HIBADH: variants seen among roughly 807,000 people sequenced by gnomAD.
HIBADH encodes the protein 3-hydroxyisobutyrate dehydrogenase, mitochondrial.
Under a neutral mutation model 36.1 loss-of-function variants are expected in HIBADH, and 25 were observed. That is an observed-to-expected ratio of 0.69 (90% CI 0.50 to 0.97). HIBADH has a LOEUF of 0.97. Among genes scored for constraint, HIBADH ranks in the 50% least tolerant of loss-of-function variants. The pLI, the probability that HIBADH is intolerant of heterozygous loss-of-function variation, is 0.00. For synonymous variants in HIBADH, 160 were observed against 149.5 expected (o/e 1.07, Z -0.51); for missense variants, 421 against 418.0 (o/e 1.01, Z -0.06).
chr7:27,558,562 A>C (rs894196492), intron 4 of HIBADH, among the ~76,000 whole-genome samples: 1 of 152,066 alleles, frequency 6.6e-6, no homozygotes, highest in Non-Finnish European at 1.5e-5. Flanking sequence ...CCTAAGCTCA[A>C]GCAATCCACC....
chr7:27,659,905 T>TA (rs1170950561), intron 1 of HIBADH, among the ~76,000 whole-genome samples: 20 of 152,042 alleles, frequency 1.3e-4, no homozygotes, highest in Admixed American at 1.2e-3. Flanking sequence ...CATTTTTTTT[T>TA]AAATTAGCTA....
chr7:27,626,917 A>C (rs1390067741), intron 4 of HIBADH, among the ~76,000 whole-genome samples: 2 of 152,206 alleles, frequency 1.3e-5, no homozygotes, highest in African/African-American at 4.8e-5. Flanking sequence ...TCCATGTTTC[A>C]AGACTGATGA....
chr7:27,639,200 A>G (rs527871380), intron 2 of HIBADH, among the ~76,000 whole-genome samples: 4 of 152,230 alleles, frequency 2.6e-5, no homozygotes, highest in Non-Finnish European at 5.9e-5. Flanking sequence ...AATGCCCATC[A>G]ATGGTAGACT....
intron 4 of HIBADH, among the ~76,000 whole-genome samples, chr7:27,575,651 G>A (rs1321315791): frequency 6.6e-6 from 1 of 152,180 alleles, no homozygotes; most frequent in Non-Finnish European, 1.5e-5. Context: ...GAGGAAGTCC[G>A]AGCAATGGTG....
intron 7 of HIBADH, among the ~76,000 whole-genome samples, chr7:27,528,656 A>C (rs1228380562): frequency 1.3e-5 from 2 of 152,240 alleles, no homozygotes. Context: ...TGATTAGTTC[A>C]TGAGGTTTAA....
chr7:27,582,997 T>C (rs1291428189), intron 4 of HIBADH, among the ~76,000 whole-genome samples: 1 of 152,108 alleles, frequency 6.6e-6, no homozygotes, highest in Non-Finnish European at 1.5e-5. Flanking sequence ...TTTTACAAAA[T>C]ACCTGGCCTA....
chr7:27,662,783 T>G lies in HIBADH; in HGVS notation c.6A>C (p.Ala2=). Residue 2 remains alanine (A), a synonymous_variant, in exon 1 of 8, where the codon GCA becomes GCC. Transcript: ENST00000265395. ...CAGCTCCGAGGAGCCGTAAGGAGGC[T>G]GCCATGCTGCGCCCGCCCCTCTCCC... M[A]ASLRLLGAAS... 2 of 1,466,302 alleles carry G rather than the reference T, an allele frequency of 1.4e-6. No homozygotes were observed. Among genetic ancestry groups the G allele is most frequent in the Non-Finnish European group, 9.0e-7 (1 of 1,107,742 alleles). The allele number at this position is 1,466,302 out of a possible 1,614,324, so 90.8% of individuals were successfully genotyped here. A position where few individuals can be genotyped will look rare whatever the true frequency, so the allele number is the denominator to read the frequency against.
intron 4 of HIBADH, among the ~76,000 whole-genome samples, chr7:27,587,443 A>C (rs1319820540): frequency 6.7e-6 from 1 of 149,892 alleles, no homozygotes; most frequent in Non-Finnish European, 1.5e-5. Context: ...TATATTGGAC[A>C]AAAAAAAATG....
At chr7:27,555,476 A>T (rs958373720) in intron 4 of HIBADH, among the ~76,000 whole-genome samples, 1 of 152,028 alleles carries the variant, frequency 6.6e-6, no homozygotes, top group Non-Finnish European at 1.5e-5. Flanking sequence ...TTCCAAGTCT[A>T]GAGTCAAAAT....
At chr7:27,572,181 G>A (rs755610500) in intron 4 of HIBADH, among the ~76,000 whole-genome samples, 2 of 152,184 alleles carry the variant, frequency 1.3e-5, no homozygotes, top group Non-Finnish European at 2.9e-5. Flanking sequence ...TTCCAGGTCA[G>A]CCAGAGCTTC....
intron 4 of HIBADH, among the ~76,000 whole-genome samples, chr7:27,601,912 T>C (rs1785136503): frequency 6.6e-6 from 1 of 152,072 alleles, no homozygotes; most frequent in South Asian, 2.1e-4. Flanking sequence ...GTGGGTATTG[T>C]GTGGGAGTGG....
intron 1 of HIBADH, among the ~76,000 whole-genome samples, chr7:27,651,634 AAC>A (rs1384227556): frequency 6.6e-6 from 1 of 152,220 alleles, no homozygotes; most frequent in Non-Finnish European, 1.5e-5. Context: ...CAGTTAATTT[AAC>A]AGGCAATTCA....
At chr7:27,602,839 C>A (rs970997845) in intron 4 of HIBADH, among the ~76,000 whole-genome samples, 1 of 152,046 alleles carries the variant, frequency 6.6e-6, no homozygotes, top group African/African-American at 2.4e-5. Flanking sequence ...CTATGTTTCG[C>A]ATGCCAAAAA....
intron 4 of HIBADH, among the ~76,000 whole-genome samples, chr7:27,596,595 G>C (rs1345937390): frequency 6.6e-6 from 1 of 152,186 alleles, no homozygotes; most frequent in Non-Finnish European, 1.5e-5. Context: ...AGAATATTCA[G>C]AGTAGCCTCT....
chr7:27,611,095 T>C (rs1157364654), intron 4 of HIBADH, among the ~76,000 whole-genome samples: 1 of 152,152 alleles, frequency 6.6e-6, no homozygotes, highest in Non-Finnish European at 1.5e-5. Flanking sequence ...AGTATAAAAT[T>C]TGGTTTTCTG....
At chr7:27,612,639 A>C (rs1355632049) in intron 4 of HIBADH, among the ~76,000 whole-genome samples, 1 of 151,400 alleles carries the variant, frequency 6.6e-6, no homozygotes. Flanking sequence ...CTCTTTCTAA[A>C]AGTACCAGGC....
intron 4 of HIBADH, among the ~76,000 whole-genome samples, chr7:27,569,097 C>T (rs928151610): frequency 9.9e-4 from 151 of 152,186 alleles, no homozygotes; most frequent in African/African-American, 3.6e-3. Context: ...AATCCACTGA[C>T]TCTTTTCTTT....
chr7:27,650,460 T>C (rs994585664), intron 1 of HIBADH, among the ~76,000 whole-genome samples: 1 of 140,184 alleles, frequency 7.1e-6, no homozygotes, highest in Admixed American at 7.2e-5. Flanking sequence ...CTTATTATAT[T>C]TTTATTTATT....
At chr7:27,619,934 G>T (rs529548859) in intron 4 of HIBADH, among the ~76,000 whole-genome samples, 4 of 152,218 alleles carry the variant, frequency 2.6e-5, no homozygotes, top group African/African-American at 9.6e-5. Context: ...TCTAGCAAGA[G>T]ATTTAAATAT....
Sources: gnomAD v4.1 joint callset for allele counts (sites outside exome capture counted in the v4.1 genomes callset) on GRCh38, gnomAD v4.1.1 for gene constraint, MANE v1.5 for transcripts, NCBI Gene and HGNC (gene_info 2026-07-23, HGNC 2026-07-21) for gene names.